ZNF317: variants seen among roughly 807,000 people sequenced by gnomAD.
The protein encoded by ZNF317 is zinc finger protein 317, also known as KRAB-containing zinc finger protein 317.
A neutral mutation model predicts 23.4 loss-of-function variants in ZNF317; 17 were observed. The ratio of observed to expected loss-of-function variants is 0.73; its 90% CI spans 0.50 to 1.09. The LOEUF (loss-of-function observed/expected upper bound fraction) is 1.09. Ranked by LOEUF, ZNF317 falls within the 50% of genes least tolerant of loss-of-function variation. The probability of loss-of-function intolerance (pLI) is 0.00; values close to 1 mark genes in which losing one functional copy is unlikely to be tolerated. For missense variants in ZNF317, 679 were observed against 796.7 expected, an observed-to-expected ratio of 0.85 and a Z score of 1.78; for synonymous variants, 317 against 314.9, an observed-to-expected ratio of 1.01 and a Z score of -0.07.
intron 1 of ZNF317, among the ~76,000 whole-genome samples, chr19:9,142,518 G>A (rs1306818297): frequency 4.7e-5 from 7 of 147,532 alleles, no homozygotes; most frequent in Non-Finnish European, 8.9e-5. Flanking sequence ...TTTTTCTTGT[G>A]AATTGCTGCA....
At chr19:9,141,040 CT>C (rs1384052031) in intron 1 of ZNF317, among the ~76,000 whole-genome samples, 2 of 151,802 alleles carry the variant, frequency 1.3e-5, no homozygotes, top group African/African-American at 4.9e-5. Context: ...AATTTAAGAC[CT>C]TCTGGTTGCA....
At chr19:9,150,001 A>G (rs1457468076) in intron 1 of ZNF317, among the ~76,000 whole-genome samples, 1 of 152,212 alleles carries the variant, frequency 6.6e-6, no homozygotes, top group African/African-American at 2.4e-5. Flanking sequence ...GGTGTGGTTT[A>G]TGGAAAAGAA....
intron 1 of ZNF317, among the ~76,000 whole-genome samples, chr19:9,146,286 C>T (rs1410266964): frequency 4.0e-5 from 6 of 151,772 alleles, no homozygotes; most frequent in Admixed American, 3.9e-4. Context: ...TCTCATCTAG[C>T]TGGTTGAAAG....
chr19:9,143,945 C>G (rs1423180545), intron 1 of ZNF317, among the ~76,000 whole-genome samples: 3 of 142,832 alleles, frequency 2.1e-5, no homozygotes, highest in Admixed American at 1.4e-4. Flanking sequence ...TTTTACTTGC[C>G]TTATATATCC....
At chr19:9,152,884 G>T (rs1447138921) in intron 1 of ZNF317, among the ~76,000 whole-genome samples, 1 of 152,088 alleles carries the variant, frequency 6.6e-6, no homozygotes, top group Admixed American at 6.6e-5. Context: ...ATGTGTTGGT[G>T]CATAATTGTT....
At chr19:9,157,085 A>G in intron 3 of ZNF317, 183 bp from the exon 4 acceptor site, 2 of 725,276 alleles carry the variant, frequency 2.8e-6, no homozygotes, top group South Asian at 1.9e-5. Context: ...ACAGGACAAG[A>G]TGGCCTCAAT....
intron 1 of ZNF317, among the ~76,000 whole-genome samples, chr19:9,146,167 C>G (rs1694046738): frequency 6.6e-6 from 1 of 151,574 alleles, no homozygotes; most frequent in South Asian, 2.1e-4. Context: ...TATCATCTGT[C>G]TGTACTTTGT....
chr19:9,156,841 A>C, intron 3 of ZNF317, 93 bp downstream of exon 3: 10 of 1,470,590 alleles, frequency 6.8e-6, no homozygotes, highest in East Asian at 2.3e-5. Context: ...GCTTCATCTC[A>C]GCCAGTGGAT....
At chr19:9,147,054 C>G (rs1244622655) in intron 1 of ZNF317, among the ~76,000 whole-genome samples, 1 of 152,118 alleles carries the variant, frequency 6.6e-6, no homozygotes, top group African/African-American at 2.4e-5. Context: ...GCCACTCGCT[C>G]TGAGCCAACC....
At chr19:9,148,976 G>GTATC in intron 1 of ZNF317, among the ~76,000 whole-genome samples, 1 of 152,316 alleles carries the variant, frequency 6.6e-6, no homozygotes, top group African/African-American at 2.4e-5. Context: ...ATGGCCAAGG[G>GTATC]TATCAGTTGG....
intron 1 of ZNF317, among the ~76,000 whole-genome samples, chr19:9,151,917 T>G (rs544081217): frequency 6.7e-6 from 1 of 150,364 alleles, no homozygotes; most frequent in Non-Finnish European, 1.5e-5. Flanking sequence ...CTTTTTTTTT[T>G]TTTTTTTGAG....
At chr19:9,147,613 A>C (rs1303078035) in intron 1 of ZNF317, among the ~76,000 whole-genome samples, 4 of 152,168 alleles carry the variant, frequency 2.6e-5, no homozygotes, top group African/African-American at 4.8e-5. Context: ...CTGGGATTAC[A>C]GGCGTGAGCC....
chr19:9,153,658 TG>T (rs2050756361), intron 1 of ZNF317, among the ~76,000 whole-genome samples: 1 of 151,990 alleles, frequency 6.6e-6, no homozygotes, highest in South Asian at 2.1e-4. Context: ...CAGCCTTTAG[TG>T]GTGAAAGAGG....
intron 1 of ZNF317, among the ~76,000 whole-genome samples, chr19:9,143,743 C>T (rs188761612): frequency 1.3e-5 from 2 of 148,404 alleles, no homozygotes; most frequent in African/African-American, 5.0e-5. Flanking sequence ...ATTCTGTCCC[C>T]CCTTTTTTTT....
chr19:9,149,122 A>G (rs2050713794), intron 1 of ZNF317, among the ~76,000 whole-genome samples: 1 of 152,176 alleles, frequency 6.6e-6, no homozygotes, highest in South Asian at 2.1e-4. Flanking sequence ...TTTTGCAGTA[A>G]AAAATAGAGC....
chr19:9,149,559 C>T (rs2050718363), intron 1 of ZNF317, among the ~76,000 whole-genome samples: 1 of 151,878 alleles, frequency 6.6e-6, no homozygotes, highest in African/African-American at 2.4e-5. Flanking sequence ...GGGCCAGGCA[C>T]ACTGAGAATG....
rs748127037 is a variant in ZNF317, at chr19:9,140,418, C to T, written c.-267C>T. Reference sequence around the variant, plus strand: ...CGGCAGTGAAGCGGAAGCCATTACTCTCTGGAGTCGATTGCCCCGAGACAC... The same window carrying T: ...CGGCAGTGAAGCGGAAGCCATTACTTTCTGGAGTCGATTGCCCCGAGACAC... On this transcript the variant is annotated 5_prime_UTR_variant, in exon 1 of 7. Coordinates refer to ENST00000247956, the MANE Select transcript of ZNF317 (RefSeq NM_020933.5). 5 of 436,262 alleles carry T rather than the reference C, an allele frequency of 1.1e-5. No homozygotes were observed. Among genetic ancestry groups the T allele is most frequent in the Admixed American group, 5.3e-5 (2 of 38,050 alleles). The allele number at this position is 436,262 out of a possible 1,614,324, so 27.0% of individuals were successfully genotyped here.
intron 1 of ZNF317, among the ~76,000 whole-genome samples, chr19:9,142,569 G>A (rs1178189755): frequency 8.4e-6 from 1 of 119,646 alleles, no homozygotes; most frequent in Non-Finnish European, 1.6e-5. Flanking sequence ...TTGCCATTAT[G>A]TATCTGTTTA....
intron 6 of ZNF317, 141 bp from the exon 7 acceptor site, chr19:9,159,973 C>G: frequency 8.2e-7 from 1 of 1,223,852 alleles, no homozygotes. Context: ...GCAGGGACAG[C>G]ACGTTTGCAC....
Sources: allele counts gnomAD v4.1 joint callset (sites outside exome capture counted in the v4.1 genomes callset), GRCh38; gene constraint gnomAD v4.1.1; transcripts MANE v1.5; gene names NCBI Gene and HGNC (gene_info 2026-07-23, HGNC 2026-07-21).